The following GYS2 variants were observed in gnomAD, a reference collection of about 807,000 sequenced individuals.
The protein encoded by GYS2 is glycogen synthase 2.
In GYS2, 80 loss-of-function variants were observed where a neutral mutation model predicts 85.6. The ratio of observed to expected loss-of-function variants is 0.93; its 90% confidence interval spans 0.78 to 1.13. The LOEUF (loss-of-function observed/expected upper bound fraction) is 1.13, where lower values mean the gene tolerates loss of function less well. Ranked by LOEUF, GYS2 falls within the 50% of genes most tolerant of loss-of-function variation. GYS2 has a pLI of 0.00. For missense variants in GYS2, 881 were observed against 854.9 expected (o/e 1.03, Z -0.38); for synonymous variants, 328 against 300.7 (o/e 1.09, Z -0.94).
chr12:21,558,746 T>C (rs1389467126), intron 10 of GYS2, among the ~76,000 whole-genome samples: 2 of 152,358 alleles, frequency 1.3e-5, no homozygotes, highest in Non-Finnish European at 2.9e-5. Context: ...TCCACTCGAC[T>C]AAGAAATATT....
At chr12:21,544,442 G>A (rs879693022) in intron 12 of GYS2, among the ~76,000 whole-genome samples, 3 of 152,154 alleles carry the variant, frequency 2.0e-5, no homozygotes, top group Non-Finnish European at 4.4e-5. Flanking sequence ...TCAGCTGTTA[G>A]TTCTATAACA....
chr12:21,597,710 A>T (rs1038594139), intron 1 of GYS2, among the ~76,000 whole-genome samples: 2 of 152,128 alleles, frequency 1.3e-5, no homozygotes, highest in Non-Finnish European at 2.9e-5. Flanking sequence ...ATTTATCCAA[A>T]GGAAAAGAAT....
intron 11 of GYS2, among the ~76,000 whole-genome samples, chr12:21,546,972 A>T (rs1469750830): frequency 6.6e-6 from 1 of 152,174 alleles, no homozygotes; most frequent in Non-Finnish European, 1.5e-5. Flanking sequence ...AAATCATGCT[A>T]GAGGACTTCG....
At chr12:21,568,270 C>T (rs1944346284) in intron 5 of GYS2, among the ~76,000 whole-genome samples, 2 of 152,146 alleles carry the variant, frequency 1.3e-5, no homozygotes, top group Admixed American at 1.3e-4. Context: ...TTGAGAGACT[C>T]GTTTGAATGG....
intron 9 of GYS2, 80 bp from the exon 10 acceptor site, chr12:21,559,249 T>C (rs938852749): frequency 2.5e-5 from 17 of 683,782 alleles, no homozygotes; most frequent in Non-Finnish European, 4.1e-5. Context: ...GATTATATAT[T>C]ATATATTTCA....
chr12:21,598,655 A>C (rs1591814104), intron 1 of GYS2, among the ~76,000 whole-genome samples: 1 of 152,096 alleles, frequency 6.6e-6, no homozygotes, highest in South Asian at 2.1e-4. Flanking sequence ...CTATTTTCAT[A>C]TTTGAGGTAT....
chr12:21,562,872 AG>A (rs1415302834), intron 7 of GYS2, 45 bp downstream of exon 7: 1 of 1,606,732 alleles, frequency 6.2e-7, no homozygotes, highest in Non-Finnish European at 8.5e-7. Flanking sequence ...CACAGAAGAA[AG>A]TTCTCCCTAC....
At chr12:21,565,565 A>G (rs960300110) in intron 5 of GYS2, among the ~76,000 whole-genome samples, 5 of 149,944 alleles carry the variant, frequency 3.3e-5, no homozygotes, top group Non-Finnish European at 7.4e-5. Flanking sequence ...ATGTAGTAAA[A>G]TAACCAGGAA....
At chr12:21,584,157 G>A (rs1216357443) in intron 1 of GYS2, among the ~76,000 whole-genome samples, 1 of 152,216 alleles carries the variant, frequency 6.6e-6, no homozygotes, top group East Asian at 1.9e-4. Context: ...AGAACTTTGA[G>A]CAGTGTGCCT....
intron 10 of GYS2, among the ~76,000 whole-genome samples, chr12:21,558,875 A>T (rs561481767): frequency 1.8e-4 from 28 of 152,268 alleles, no homozygotes; most frequent in African/African-American, 6.0e-4. Flanking sequence ...TTTTGTAAGC[A>T]AGTGGAAGGA....
chr12:21,541,380 AATGGT>A (rs760570307), intron 13 of GYS2, among the ~76,000 whole-genome samples: 1 of 151,936 alleles, frequency 6.6e-6, no homozygotes, highest in East Asian at 1.9e-4. Context: ...ACAGACAGAT[AATGGT>A]ATGCAAATTA....
intron 1 of GYS2, among the ~76,000 whole-genome samples, chr12:21,602,166 G>A (rs1434830791): frequency 6.6e-6 from 1 of 152,158 alleles, no homozygotes; most frequent in African/African-American, 2.4e-5. Flanking sequence ...TTTTCAGAAA[G>A]TTTCAGAAAT....
At chr12:21,573,761 T>A (rs1330789399) in intron 4 of GYS2, among the ~76,000 whole-genome samples, 1 of 152,240 alleles carries the variant, frequency 6.6e-6, no homozygotes, top group African/African-American at 2.4e-5. Flanking sequence ...TTTGTATGTC[T>A]CAAATCTCAA....
chr12:21,558,432 C>T (rs1012656794), intron 10 of GYS2, 119 bp from the exon 11 acceptor site: 10 of 702,436 alleles, frequency 1.4e-5, no homozygotes, highest in Non-Finnish European at 2.6e-5. Flanking sequence ...TTTGAGATGG[C>T]ACTAATGATG....
In GYS2 at chr12:21,576,035, ATC is replaced by A. The variant is rs1944443049; in HGVS notation, c.324_325del (p.Ile109ArgfsTer10). 1 of 1,613,230 alleles carries A rather than the reference ATC, an allele frequency of 6.2e-7. No individual in the cohort carries two copies. Among genetic ancestry groups the A allele is most frequent in the African/African-American group, 1.3e-5 (1 of 74,906 alleles). On this transcript the variant is annotated frameshift_variant, in exon 3 of 16. Coordinates refer to ENST00000261195, the MANE Select transcript of GYS2 (RefSeq NM_021957.4). LOFTEE classifies it high-confidence loss of function. Reference sequence around the variant, plus strand: ...AAGTACCACATAAGGACTTCCTTCTATCAGCCATCTTCCAAAATGCACCTGTC... The same window carrying A: ...AAGTACCACATAAGGACTTCCTTCTAAGCCATCTTCCAAAATGCACCTGTC...
chr12:21,532,747 C>A (rs2136825464), downstream of GYS2: 1 of 152,302 alleles, frequency 6.6e-6, no homozygotes, highest in Non-Finnish European at 1.5e-5. Context: ...TCAAAGAACA[C>A]TTTTAACATC....
intron 6 of GYS2, 72 bp downstream of exon 6, chr12:21,563,156 A>G (rs994750236): frequency 3.1e-5 from 37 of 1,189,454 alleles, no homozygotes; most frequent in South Asian, 1.8e-4. Context: ...TATTATTACA[A>G]TTCTGTTTTC....
At chr12:21,554,171 GA>G (rs1565596484) in intron 11 of GYS2, among the ~76,000 whole-genome samples, 10 of 151,578 alleles carry the variant, frequency 6.6e-5, no homozygotes, top group East Asian at 1.9e-4. Context: ...AGGAAGGAAG[GA>G]GGGAAGGAAA....
intron 7 of GYS2, among the ~76,000 whole-genome samples, chr12:21,561,610 C>CT (rs1174264133): frequency 3.3e-5 from 5 of 152,036 alleles, no homozygotes; most frequent in Non-Finnish European, 7.4e-5. Flanking sequence ...TTCTTCATAT[C>CT]TATAAATAAA....
Sources: gnomAD v4.1 joint callset for allele counts (sites outside exome capture counted in the v4.1 genomes callset) on GRCh38, gnomAD v4.1.1 for gene constraint, MANE v1.5 for transcripts, NCBI Gene and HGNC (gene_info 2026-07-23, HGNC 2026-07-21) for gene names.